The following CNBD1 variants were observed in gnomAD, a reference collection of about 807,000 sequenced individuals.
CNBD1 encodes cyclic nucleotide binding domain containing 1, also known as cyclic nucleotide-binding domain-containing protein 1.
A neutral mutation model predicts 54.4 loss-of-function variants in CNBD1; 71 were observed. The ratio of observed to expected loss-of-function variants is 1.30; its 90% confidence interval spans 1.08 to 1.59. The LOEUF (loss-of-function observed/expected upper bound fraction) is 1.59, where lower values mean the gene tolerates loss of function less well. CNBD1 is among the 40% of genes most tolerant of loss of function. The pLI, the probability that CNBD1 is intolerant of heterozygous loss-of-function variation, is 0.00. For synonymous variants in CNBD1, 182 were observed against 170.7 expected (o/e 1.07, Z -0.51); for missense variants, 659 against 518.0 (o/e 1.27, Z -2.64).
chr8:87,007,170 C>G (rs79744924), intron 4 of CNBD1, among the ~76,000 whole-genome samples: 1,514 of 151,236 alleles, frequency 0.01, 22 homozygotes, highest in African/African-American at 0.034. Flanking sequence ...GCATTCCAGC[C>G]TGGGTGACAA....
intron 8 of CNBD1, among the ~76,000 whole-genome samples, chr8:87,339,711 G>T (rs141148974): frequency 6.6e-6 from 1 of 151,562 alleles, no homozygotes; most frequent in Non-Finnish European, 1.5e-5. Flanking sequence ...GGTTACTGTG[G>T]GGCTTACATA....
intron 4 of CNBD1, among the ~76,000 whole-genome samples, chr8:86,961,018 G>T (rs796775944): frequency 8.5e-5 from 13 of 152,224 alleles, no homozygotes; most frequent in African/African-American, 2.6e-4. Context: ...TTTCTGACTT[G>T]CATAATTTAG....
intron 8 of CNBD1, among the ~76,000 whole-genome samples, chr8:87,342,276 A>G (rs866362318): frequency 5.1e-5 from 5 of 97,712 alleles, no homozygotes; most frequent in Non-Finnish European, 8.1e-5. Flanking sequence ...CCATCTCAAA[A>G]AGAAAAAAAA....
intron 4 of CNBD1, among the ~76,000 whole-genome samples, chr8:87,070,010 G>A (rs1286558450): frequency 6.6e-6 from 1 of 152,048 alleles, no homozygotes; most frequent in Non-Finnish European, 1.5e-5. Context: ...TTCATCTGGT[G>A]TCTAAACAAA....
Position 87,351,740 on chromosome 8 carries a change from CTG to C in CNBD1, c.1100_1101del (p.Cys367Ter). On this transcript the variant is annotated frameshift_variant, in exon 9 of 11. Coordinates refer to ENST00000518476, the MANE Select transcript of CNBD1 (RefSeq NM_173538.3). LOFTEE classifies it high-confidence loss of function. ...TTGTGGGTTATATTAACTCTGGATG[CTG>C]TAACATTTATAGAAGTATTATAGGA... ...SFVGYINSGCCNIYRSIIGFV... is the reference protein window; with the variant it reads ...SFVGYINSGCXNIYRSIIGFV... The C allele has an allele frequency of 6.5e-7, 1 of 1,532,158 alleles. No individual in the cohort carries two copies. The highest frequency in any genetic ancestry group is 8.7e-7 in the Non-Finnish European group (1 of 1,144,552). The allele number at this position is 1,532,158 out of a possible 1,614,324, so 94.9% of individuals were successfully genotyped here.
At chr8:87,381,488 A>C (rs1811073659) in intron 10 of CNBD1, among the ~76,000 whole-genome samples, 1 of 152,004 alleles carries the variant, frequency 6.6e-6, no homozygotes, top group Admixed American at 6.6e-5. Flanking sequence ...TAAACAATTA[A>C]CAGTAGACCA....
intron 10 of CNBD1, among the ~76,000 whole-genome samples, chr8:87,378,701 G>T (rs1438968850): frequency 2.6e-5 from 4 of 151,032 alleles, no homozygotes; most frequent in Non-Finnish European, 5.9e-5. Flanking sequence ...AAAGGCATTG[G>T]TAGCTTGATG....
intron 10 of CNBD1, among the ~76,000 whole-genome samples, chr8:87,355,682 G>T (rs190164391): frequency 3.9e-5 from 6 of 152,260 alleles, no homozygotes; most frequent in South Asian, 2.1e-4. Flanking sequence ...ATTACCATGG[G>T]TGAGAGGTAT....
At chr8:87,304,086 C>T (rs923727555) in intron 8 of CNBD1, among the ~76,000 whole-genome samples, 1 of 152,090 alleles carries the variant, frequency 6.6e-6, no homozygotes, top group African/African-American at 2.4e-5. Context: ...GGCGATTCCT[C>T]AGGGATCTAG....
At chr8:87,292,171 T>C (rs1808799754) in intron 8 of CNBD1, among the ~76,000 whole-genome samples, 2 of 152,212 alleles carry the variant, frequency 1.3e-5, no homozygotes, top group Non-Finnish European at 2.9e-5. Context: ...ATTGCTTTGC[T>C]ATCTTTGAGT....
At chr8:87,089,603 A>T (rs1811165940) in intron 4 of CNBD1, among the ~76,000 whole-genome samples, 1 of 152,076 alleles carries the variant, frequency 6.6e-6, no homozygotes, top group Non-Finnish European at 1.5e-5. Flanking sequence ...ACTAAACAAG[A>T]TATTGAGTTA....
In CNBD1 at chr8:87,421,042, G is replaced by A. The variant is rs187726366; in HGVS notation, c.214-7504G>A. On this transcript the variant is annotated intron_variant, in intron 2 of 7. Coordinates refer to the CNBD1 transcript ENST00000521593. The stretch of plus-strand genomic sequence containing the variant: ...CTGGATAACAAAATCGGTGCAGATA[G>A]CAACTGAAAATGCTTCATAATTTTA... Among the ~76,000 whole-genome samples, 938 of 151,942 alleles carry A rather than the reference G, an allele frequency of 6.2e-3. 6 individuals are homozygous for A. Among genetic ancestry groups the A allele is most frequent in the Non-Finnish European group, 8.7e-3 (590 of 67,936 alleles).
chr8:87,396,264 T>C (rs1433276591), intron 2 of CNBD1, among the ~76,000 whole-genome samples: 1 of 151,972 alleles, frequency 6.6e-6, no homozygotes, highest in Non-Finnish European at 1.5e-5. Flanking sequence ...GGTGTTTGTC[T>C]ATAGTTTCAT....
intron 5 of CNBD1, among the ~76,000 whole-genome samples, chr8:87,230,869 T>G (rs1218454579): frequency 6.6e-6 from 1 of 152,242 alleles, no homozygotes. Context: ...CATTAACTTC[T>G]ATTTTATGGA....
chr8:86,959,264 C>T (rs1807865489), intron 4 of CNBD1, among the ~76,000 whole-genome samples: 1 of 152,210 alleles, frequency 6.6e-6, no homozygotes, highest in South Asian at 2.1e-4. Flanking sequence ...CAACCTTTCT[C>T]TCTGGCTGCC....
intron 10 of CNBD1, among the ~76,000 whole-genome samples, chr8:87,372,402 G>C (rs1810830639): frequency 6.6e-6 from 1 of 151,884 alleles, no homozygotes; most frequent in African/African-American, 2.4e-5. Flanking sequence ...TCAAATGCTA[G>C]TTTTCTGTCA....
intron 2 of CNBD1, among the ~76,000 whole-genome samples, chr8:86,892,825 T>G (rs7831076): frequency 0.11 from 17,088 of 152,164 alleles, 1,212 homozygotes; most frequent in African/African-American, 0.21. Flanking sequence ...GTGAGAACCT[T>G]TCTTTTTCTT....
At chr8:87,226,785 T>A (rs1451880605) in intron 5 of CNBD1, among the ~76,000 whole-genome samples, 1 of 151,420 alleles carries the variant, frequency 6.6e-6, no homozygotes, top group Non-Finnish European at 1.5e-5. Context: ...GTTCAATTCC[T>A]GGGTATCCTT....
At chr8:87,042,218 A>G (rs1810087675) in intron 4 of CNBD1, among the ~76,000 whole-genome samples, 1 of 152,192 alleles carries the variant, frequency 6.6e-6, no homozygotes, top group South Asian at 2.1e-4. Flanking sequence ...CTTAGATACT[A>G]ACTTTGAATT....
Sources: allele counts gnomAD v4.1 joint callset (sites outside exome capture counted in the v4.1 genomes callset), GRCh38; gene constraint gnomAD v4.1.1; transcripts MANE v1.5; gene names NCBI Gene and HGNC (gene_info 2026-07-23, HGNC 2026-07-21).